The following CTNNA2 variants were observed in gnomAD, a reference collection of about 807,000 sequenced individuals.
CTNNA2 encodes the protein catenin alpha-2.
Under a neutral mutation model 101.0 loss-of-function variants are expected in CTNNA2, and 42 were observed. The ratio of observed to expected loss-of-function variants is 0.42; its 90% CI spans 0.32 to 0.54. The LOEUF is 0.54. Ranked by LOEUF, CTNNA2 falls within the 20% of genes least tolerant of loss-of-function variation. CTNNA2 has a pLI of 0.14. For missense variants in CTNNA2, 871 were observed against 1,223.1 expected, an observed-to-expected ratio of 0.71 and a Z score of 4.29; for synonymous variants, 450 against 456.4, an observed-to-expected ratio of 0.99 and a Z score of 0.18.
chr2:80,632,872 C>T (rs1259457059), intron 18 of CTNNA2, among the ~76,000 whole-genome samples: 1 of 152,164 alleles, frequency 6.6e-6, no homozygotes, highest in African/African-American at 2.4e-5. Flanking sequence ...CTCAGAATAA[C>T]TCACAAAAGT....
At chr2:79,655,562 C>G (rs1160276514) in intron 2 of CTNNA2, among the ~76,000 whole-genome samples, 1 of 152,144 alleles carries the variant, frequency 6.6e-6, no homozygotes, top group Non-Finnish European at 1.5e-5. Context: ...GGCGTGGTGG[C>G]TCATGCCTGT....
chr2:80,598,727 T>C (rs1293055153), intron 15 of CTNNA2, among the ~76,000 whole-genome samples: 1 of 152,206 alleles, frequency 6.6e-6, no homozygotes, highest in Admixed American at 6.5e-5. Flanking sequence ...CATGCAATGA[T>C]TTGGATAAAC....
chr2:80,309,973 A>T (rs1677391843), intron 7 of CTNNA2, among the ~76,000 whole-genome samples: 1 of 151,974 alleles, frequency 6.6e-6, no homozygotes, highest in Admixed American at 6.6e-5. Flanking sequence ...GAGACCACAA[A>T]CCTTGGAGCT....
intron 9 of CTNNA2, among the ~76,000 whole-genome samples, chr2:80,527,558 C>A (rs949761279): frequency 6.6e-6 from 1 of 152,114 alleles, no homozygotes; most frequent in Non-Finnish European, 1.5e-5. Context: ...CTTTTAGAAA[C>A]AGGAATTGTC....
chr2:79,799,584 G>A (rs1007533571), intron 3 of CTNNA2, among the ~76,000 whole-genome samples: 20 of 151,970 alleles, frequency 1.3e-4, no homozygotes, highest in African/African-American at 4.4e-4. Context: ...AAGATTTGGA[G>A]GTATCAGTTA....
upstream of CTNNA2, among the ~76,000 whole-genome samples, chr2:79,511,289 G>C (rs1323904212): frequency 6.6e-6 from 1 of 152,152 alleles, no homozygotes; most frequent in African/African-American, 2.4e-5. Flanking sequence ...TCAGGGACTT[G>C]TGATGCCTCT....
At chr2:80,517,610 T>C (rs140609561) in intron 9 of CTNNA2, among the ~76,000 whole-genome samples, 16 of 152,284 alleles carry the variant, frequency 1.1e-4, no homozygotes, top group African/African-American at 3.6e-4. Context: ...GCAAGGAACA[T>C]TCCTAGGGGA....
chr2:79,214,847 A>T (rs1674227318), intron 2 of CTNNA2, among the ~76,000 whole-genome samples: 1 of 151,918 alleles, frequency 6.6e-6, no homozygotes, highest in Non-Finnish European at 1.5e-5. Flanking sequence ...GTATTGTCTA[A>T]GTTGGCACCA....
At chr2:79,784,490 C>G (rs972217) in intron 3 of CTNNA2, among the ~76,000 whole-genome samples, 25,918 of 149,740 alleles carry the variant, frequency 0.17, 4,352 homozygotes, top group African/African-American at 0.42. Context: ...TACTAGATAG[C>G]TCTGTTGGGA....
chr2:79,881,254 T>C (rs1056750818), intron 6 of CTNNA2, among the ~76,000 whole-genome samples: 3 of 152,224 alleles, frequency 2.0e-5, no homozygotes, highest in African/African-American at 7.2e-5. Flanking sequence ...TTATAATAAG[T>C]GCCATGTGGC....
intron 3 of CTNNA2, among the ~76,000 whole-genome samples, chr2:79,836,219 A>T (rs1016794536): frequency 3.9e-5 from 6 of 152,032 alleles, no homozygotes; most frequent in Admixed American, 1.3e-4. Context: ...CCTTAAATTG[A>T]TTGCATTTTA....
intron 2 of CTNNA2, among the ~76,000 whole-genome samples, chr2:79,269,974 G>A (rs1483124324): frequency 6.6e-6 from 1 of 152,082 alleles, no homozygotes; most frequent in East Asian, 1.9e-4. Flanking sequence ...TGGTGGCTGG[G>A]GATAGGAGTG....
intron 7 of CTNNA2, among the ~76,000 whole-genome samples, chr2:80,183,147 G>A (rs763232409): frequency 6.6e-6 from 1 of 152,080 alleles, no homozygotes; most frequent in Non-Finnish European, 1.5e-5. Flanking sequence ...AATGTCAATA[G>A]ATCCCCCCAG....
chr2:79,699,098 G>A (rs1684826787), intron 2 of CTNNA2, among the ~76,000 whole-genome samples: 1 of 152,060 alleles, frequency 6.6e-6, no homozygotes, highest in Non-Finnish European at 1.5e-5. Context: ...ATAAAATGTA[G>A]TACTAACTAA....
At chr2:79,321,395 G>GT (rs1413523713) in intron 3 of CTNNA2, among the ~76,000 whole-genome samples, 5 of 148,088 alleles carry the variant, frequency 3.4e-5, no homozygotes, top group African/African-American at 1.3e-4. Context: ...ACGTATGAAA[G>GT]TAATTTGGGG....
At chr2:80,337,524 T>A (rs1198983363) in intron 7 of CTNNA2, among the ~76,000 whole-genome samples, 1 of 151,164 alleles carries the variant, frequency 6.6e-6, no homozygotes, top group South Asian at 2.1e-4. Context: ...AGAGCAGTTT[T>A]GAGAGGCAGA....
chr2:79,231,809 C>T (rs942222516), intron 2 of CTNNA2, among the ~76,000 whole-genome samples: 3 of 149,594 alleles, frequency 2.0e-5, no homozygotes, highest in Admixed American at 6.8e-5. Context: ...TATTTCATTT[C>T]GTTTGTGGTT....
At chr2:79,428,480 C>CA (rs1316967028) in intron 4 of CTNNA2, among the ~76,000 whole-genome samples, 1 of 152,002 alleles carries the variant, frequency 6.6e-6, no homozygotes, top group East Asian at 1.9e-4. Context: ...ATGAAAAGGG[C>CA]AATTACAGAT....
At chr2:79,478,720 T>C (rs1671078547) in intron 4 of CTNNA2, among the ~76,000 whole-genome samples, 1 of 152,218 alleles carries the variant, frequency 6.6e-6, no homozygotes, top group Admixed American at 6.5e-5. Context: ...ACTCAGGTAA[T>C]ATATTCTTGC....
Sources: allele counts gnomAD v4.1 joint callset (sites outside exome capture counted in the v4.1 genomes callset), GRCh38; gene constraint gnomAD v4.1.1; transcripts MANE v1.5; gene names NCBI Gene and HGNC (gene_info 2026-07-23, HGNC 2026-07-21).